Variants in ANO4 observed in about 807,000 individuals in gnomAD.
ANO4 encodes the protein anoctamin-4.
A neutral mutation model predicts 141.9 loss-of-function variants in ANO4; 69 were observed. The ratio of observed to expected loss-of-function variants is 0.49; its 90% CI spans 0.40 to 0.59. The LOEUF is 0.59. ANO4 is among the 20% of genes least tolerant of loss of function. ANO4 has a pLI of 0.00. For synonymous variants in ANO4, 350 were observed against 394.3 expected, an observed-to-expected ratio of 0.89 and a Z score of 1.33; for missense variants, 894 against 1,162.2, an observed-to-expected ratio of 0.77 and a Z score of 3.36.
At chr12:100,983,287 C>T (rs2044565418) in intron 7 of ANO4, among the ~76,000 whole-genome samples, 1 of 152,170 alleles carries the variant, frequency 6.6e-6, no homozygotes, top group Non-Finnish European at 1.5e-5. Flanking sequence ...GAGGATCAGA[C>T]CGAGAGTGTT....
At chr12:101,070,720 C>T (rs1449872861) in intron 14 of ANO4, among the ~76,000 whole-genome samples, 1 of 152,100 alleles carries the variant, frequency 6.6e-6, no homozygotes, top group East Asian at 1.9e-4. Flanking sequence ...CATGAAGAGA[C>T]AACCCACAGA....
chr12:101,013,211 T>C (rs1199915184), intron 8 of ANO4, among the ~76,000 whole-genome samples: 1 of 152,202 alleles, frequency 6.6e-6, no homozygotes, highest in Non-Finnish European at 1.5e-5. Context: ...TTTGAGTTTT[T>C]TCTTAGACAT....
At chr12:100,819,741 T>C (rs968225891) in intron 1 of ANO4, among the ~76,000 whole-genome samples, 1 of 152,020 alleles carries the variant, frequency 6.6e-6, no homozygotes, top group Non-Finnish European at 1.5e-5. Flanking sequence ...GTTTTTAATT[T>C]GTTGACAAAA....
chr12:100,912,630 G>C (rs1566001431), intron 2 of ANO4, among the ~76,000 whole-genome samples: 2 of 151,994 alleles, frequency 1.3e-5, no homozygotes, highest in South Asian at 2.1e-4. Flanking sequence ...GTGAAATTTT[G>C]GGGGCTTTCT....
intron 14 of ANO4, among the ~76,000 whole-genome samples, chr12:101,051,480 C>T (rs2047867583): frequency 6.6e-6 from 1 of 152,192 alleles, no homozygotes; most frequent in African/African-American, 2.4e-5. Context: ...CAGAAATGTG[C>T]TAGTTTGAGA....
chr12:100,851,832 A>G (rs543798386), intron 1 of ANO4, among the ~76,000 whole-genome samples: 112 of 152,170 alleles, frequency 7.4e-4, no homozygotes, highest in African/African-American at 2.5e-3. Context: ...AACGTACCTG[A>G]TGCTCCAAGC....
intron 1 of ANO4, among the ~76,000 whole-genome samples, chr12:100,852,003 C>T (rs1172974856): frequency 6.6e-6 from 1 of 152,152 alleles, no homozygotes; most frequent in Non-Finnish European, 1.5e-5. Flanking sequence ...ATTCTAGCCT[C>T]TCATAAACCA....
intron 1 of ANO4, among the ~76,000 whole-genome samples, chr12:100,852,867 T>C (rs2037953183): frequency 6.6e-6 from 1 of 152,224 alleles, no homozygotes; most frequent in East Asian, 1.9e-4. Context: ...GTTACCACTT[T>C]GTCCGTCATG....
chr12:100,917,405 A>G (rs2041396499), intron 2 of ANO4, among the ~76,000 whole-genome samples: 1 of 152,228 alleles, frequency 6.6e-6, no homozygotes. Context: ...CCAAAGGCCA[A>G]GATATCTGTG....
In ANO4 at chr12:101,000,048, T is replaced by TAA. The variant is rs34706681; in HGVS notation, c.734+12394_734+12395dup. On this transcript the variant is annotated intron_variant, in intron 8 of 27. Coordinates refer to ENST00000392977, the MANE Select transcript of ANO4 (RefSeq NM_001286615.2). ...TGGGCAACAGAGCGAGACTCCATCT[T>TAA]AAAAAAAAAAAAAAAAAGGCTTAGT... 9.9e-4 allele frequency among the ~76,000 whole-genome samples: 122 copies of TAA among 122,662 alleles called. 1 individual carries two copies. Among genetic ancestry groups the TAA allele is most frequent in the South Asian group, 4.0e-3 (15 of 3,792 alleles). 80.5% of individuals were successfully genotyped at this position (122,662 alleles called of 152,430 possible).
At chr12:100,862,886 C>T (rs1249411049) in intron 1 of ANO4, among the ~76,000 whole-genome samples, 1 of 152,122 alleles carries the variant, frequency 6.6e-6, no homozygotes, top group African/African-American at 2.4e-5. Flanking sequence ...TACGGTAAGT[C>T]AGGCAGCTGT....
intron 15 of ANO4, among the ~76,000 whole-genome samples, chr12:101,080,046 C>A (rs2049183455): frequency 6.6e-6 from 1 of 152,202 alleles, no homozygotes; most frequent in South Asian, 2.1e-4. Flanking sequence ...ATCTCTTACC[C>A]CTCCTGAGTC....
Position 101,086,742 on chromosome 12 carries a change from C to T in ANO4, c.1619C>T (p.Ala540Val), listed in dbSNP as rs1014816581. The T allele has an allele frequency of 3.1e-6, 5 of 1,613,734 alleles. No homozygotes were observed. The highest frequency in any genetic ancestry group is 1.3e-5 in the African/African-American group (1 of 74,984). Residue 540 changes from alanine to valine, a missense_variant, in exon 17 of 28, where the codon GCG (alanine) becomes GTG (valine). Coordinates refer to ENST00000392977, the MANE Select transcript of ANO4 (RefSeq NM_001286615.2). ...AGCACTTTCGCTGCCTTTAAGTGGGCGTTAATCAGGAATAACTCTCAGGTT... is the reference window on the plus strand; with the variant it reads ...AGCACTTTCGCTGCCTTTAAGTGGGTGTTAATCAGGAATAACTCTCAGGTT... Reference protein sequence around the residue: ...TVSTFAAFKWALIRNNSQVAT... With the variant: ...TVSTFAAFKWVLIRNNSQVAT...
chr12:100,896,352 G>C (rs566714929), intron 1 of ANO4, among the ~76,000 whole-genome samples: 86 of 152,306 alleles, frequency 5.6e-4, no homozygotes, highest in South Asian at 1.0e-3. Flanking sequence ...CACAGAGATA[G>C]AGATTGGAGT....
chr12:100,826,018 T>A (rs1012358745), intron 1 of ANO4, among the ~76,000 whole-genome samples: 2 of 152,080 alleles, frequency 1.3e-5, no homozygotes, highest in Admixed American at 6.6e-5. Flanking sequence ...ACCAATCAAA[T>A]CATTAGCCAG....
chr12:100,986,280 C>G (rs2044704348), intron 7 of ANO4, among the ~76,000 whole-genome samples: 1 of 152,110 alleles, frequency 6.6e-6, no homozygotes, highest in Non-Finnish European at 1.5e-5. Flanking sequence ...AGTCCCATTT[C>G]CAGTGTAAAG....
chr12:101,040,848 G>A (rs1407084447), intron 11 of ANO4, among the ~76,000 whole-genome samples: 1 of 151,232 alleles, frequency 6.6e-6, no homozygotes, highest in Admixed American at 6.6e-5. Context: ...GTGAGAACAT[G>A]TGGTGTTTGG....
chr12:101,045,755 C>G (rs1247186170), intron 13 of ANO4, among the ~76,000 whole-genome samples: 1 of 152,208 alleles, frequency 6.6e-6, no homozygotes, highest in Non-Finnish European at 1.5e-5. Flanking sequence ...TGGAACTGTT[C>G]CTCCAGGGAC....
At chr12:101,071,929 A>T (rs1270132526) in intron 14 of ANO4, among the ~76,000 whole-genome samples, 1 of 152,212 alleles carries the variant, frequency 6.6e-6, no homozygotes, top group East Asian at 1.9e-4. Flanking sequence ...GGGAGTTTTT[A>T]ACTGTATAAG....
Sources: gnomAD v4.1 joint callset for allele counts (sites outside exome capture counted in the v4.1 genomes callset) on GRCh38, gnomAD v4.1.1 for gene constraint, MANE v1.5 for transcripts, NCBI Gene and HGNC (gene_info 2026-07-23, HGNC 2026-07-21) for gene names.